LARS1: variants seen among roughly 807,000 people sequenced by gnomAD.
LARS1 encodes leucyl-tRNA synthetase 1.
In LARS1, 100 loss-of-function variants were observed where a neutral mutation model predicts 162.8. The ratio of observed to expected loss-of-function variants is 0.61; its 90% CI spans 0.52 to 0.73. The LOEUF is 0.73. Ranked by LOEUF, LARS1 falls within the 30% of genes least tolerant of loss-of-function variation. LARS1 has a pLI of 0.00. For missense variants in LARS1, 1,258 were observed against 1,408.9 expected (o/e 0.89, Z 1.71); for synonymous variants, 457 against 462.8 (o/e 0.99, Z 0.16).
chr5:146,116,921 T>C (rs1751571126), intron 31 of LARS1, among the ~76,000 whole-genome samples: 1 of 152,204 alleles, frequency 6.6e-6, no homozygotes, highest in African/African-American at 2.4e-5. Context: ...TCCTCTTCCA[T>C]CTCATATACT....
rs2126388027 is a variant in LARS1 at position 146,124,072 on chromosome 5, C to A, written c.3006G>T (p.Lys1002Asn). 1 of 1,608,460 alleles carries A rather than the reference C, an allele frequency of 6.2e-7. No individual in the cohort carries two copies. Among genetic ancestry groups the A allele is most frequent in the South Asian group, 1.1e-5 (1 of 90,918 alleles). The change falls in exon 29 of 32, where the codon AAG becomes AAT. Residue 1002 changes from lysine to asparagine, a missense_variant. By Grantham distance (94) the Lys-to-Asn change is moderately conservative. Coordinates refer to ENST00000394434, the MANE Select transcript of LARS1 (RefSeq NM_020117.11). ...FVAMIKENLEKMGPRILDLQL... is the reference protein window; with the variant it reads ...FVAMIKENLENMGPRILDLQL... Reference sequence around the variant, plus strand: ...GCAAATCCAGAATACGAGGCCCCATCTTCTCCAGATTTTCCTAATAGCCAA... The same window carrying A: ...GCAAATCCAGAATACGAGGCCCCATATTCTCCAGATTTTCCTAATAGCCAA...
At chr5:146,129,178 C>G (rs1296864646) in intron 25 of LARS1, 60 bp from the exon 26 acceptor site, 2 of 1,407,356 alleles carry the variant, frequency 1.4e-6, no homozygotes, top group Admixed American at 4.7e-5. Context: ...AACTATTTTA[C>G]GGTTCTTGAT....
chr5:146,170,389 G>T (rs1754207392), intron 4 of LARS1, among the ~76,000 whole-genome samples: 1 of 151,808 alleles, frequency 6.6e-6, no homozygotes, highest in African/African-American at 2.4e-5. Flanking sequence ...AGAATCACTT[G>T]AACTTGGGAG....
intron 22 of LARS1, among the ~76,000 whole-genome samples, chr5:146,133,543 T>C (rs1288143638): frequency 6.6e-6 from 1 of 152,172 alleles, no homozygotes; most frequent in Admixed American, 6.5e-5. Context: ...ACTAGGTTCT[T>C]ACAAGTTTAT....
At chr5:146,162,750 G>A (rs1037459782) in intron 6 of LARS1, among the ~76,000 whole-genome samples, 4 of 152,214 alleles carry the variant, frequency 2.6e-5, no homozygotes, top group Non-Finnish European at 2.9e-5. Flanking sequence ...GTTGTTTAGC[G>A]TAGCCACTTT....
At position 146,144,560 on chromosome 5, in the gene LARS1, G is replaced by GT. The variant is rs200448378; in HGVS notation, c.1590-24dup. ...TACCTGGGAGTGGACAAATTGATAT[G>GT]TTTTTTTTTAAGTCAAAGGTGAGCA... On this transcript the variant is annotated intron_variant, in intron 16 of 31. Transcript: ENST00000394434. 2,787 of 1,599,166 alleles carry GT rather than the reference G, an allele frequency of 1.7e-3. 3 individuals are homozygous for GT. The highest frequency in any genetic ancestry group is 4.1e-3 in the East Asian group (182 of 44,648).
Position 146,160,439 on chromosome 5 carries a change from A to G in LARS1, c.642T>C (p.Tyr214=), listed in dbSNP as rs748868019. ...AAAATTGCCATCTGACAAATGAATCATAGTAAGGATTAACATCAGTGGTGA... is the reference window on the plus strand; with the variant it reads ...AAAATTGCCATCTGACAAATGAATCGTAGTAAGGATTAACATCAGTGGTGA... ...SFITTDVNPY[Y]DSFVRWQFLT... The change falls in exon 7 of 32, where the codon TAT becomes TAC. Residue 214 remains tyrosine (Y), a synonymous_variant. Coordinates refer to ENST00000394434, the MANE Select transcript of LARS1 (RefSeq NM_020117.11). 2 of 1,585,966 alleles carry G rather than the reference A, an allele frequency of 1.3e-6. No individual in the cohort carries two copies. The highest frequency in any genetic ancestry group is 2.3e-5 in the South Asian group (2 of 87,080).
chr5:146,168,328 CT>C (rs760188833), intron 4 of LARS1, 63 bp from the exon 5 acceptor site: 1 of 1,525,598 alleles, frequency 6.6e-7, no homozygotes, highest in Non-Finnish European at 8.8e-7. Flanking sequence ...CAGTTTTTTA[CT>C]GTTTTTATTG....
At chr5:146,148,865 C>T (rs1391697200) in intron 15 of LARS1, among the ~76,000 whole-genome samples, 2 of 152,070 alleles carry the variant, frequency 1.3e-5, no homozygotes, top group African/African-American at 4.8e-5. Context: ...CACCTGAGGT[C>T]GGGAGTTCGA....
At chr5:146,146,658 A>G (rs1753022474) in intron 15 of LARS1, among the ~76,000 whole-genome samples, 1 of 141,726 alleles carries the variant, frequency 7.1e-6, no homozygotes. Context: ...AGCATACTAG[A>G]TGTTGGTACA....
Position 146,129,005 on chromosome 5 carries a change from C to A in LARS1, c.2742G>T (p.Lys914Asn). ...TCCCTTTAGCTGGCATCATATAGTTCTTGAGTCGTAGTCTAAGGTCATGTG... is the reference window on the plus strand; with the variant it reads ...TCCCTTTAGCTGGCATCATATAGTTATTGAGTCGTAGTCTAAGGTCATGTG... ...EVTHDLRLRL[K>N]NYMMPAKGKK... The change falls in exon 26 of 32, where the codon AAG (lysine) becomes AAT (asparagine). Residue 914 changes from lysine to asparagine, a missense_variant. Coordinates refer to ENST00000394434, the MANE Select transcript of LARS1 (RefSeq NM_020117.11). 2 of 1,600,182 alleles carry A rather than the reference C, an allele frequency of 1.2e-6. No individual in the cohort carries two copies. The highest frequency in any genetic ancestry group is 1.7e-6 in the Non-Finnish European group (2 of 1,176,026).
chr5:146,149,033 C>T (rs1753150016), intron 15 of LARS1, among the ~76,000 whole-genome samples: 1 of 152,024 alleles, frequency 6.6e-6, no homozygotes, highest in Non-Finnish European at 1.5e-5. Flanking sequence ...TGAGATCGCG[C>T]CATTGCATTC....
rs372947031 is a variant in LARS1, at chr5:146,157,370, G to A, written c.1065+33C>T. ...TGTTGAAATTTTCCTTGAAATTTAC[G>A]CATTAAAATAAAAAATCTGCTATCC... is the stretch of plus-strand genomic sequence containing the variant. On this transcript the variant is annotated intron_variant, in intron 10 of 31. Coordinates refer to ENST00000394434, the MANE Select transcript of LARS1 (RefSeq NM_020117.11). The A allele has an allele frequency of 3.8e-4, 584 of 1,549,226 alleles. 2 individuals are homozygous for A. The highest frequency in any genetic ancestry group is 4.9e-4 in the South Asian group (44 of 89,148).
At chr5:146,160,233 G>A (rs889529694) in intron 7 of LARS1, 141 bp downstream of exon 7, 9 of 435,022 alleles carry the variant, frequency 2.1e-5, no homozygotes, top group African/African-American at 4.2e-5. Flanking sequence ...ATGTGGTCTC[G>A]CTATGTTGCC....
At chr5:146,149,416 T>G (rs1431666266) in intron 15 of LARS1, among the ~76,000 whole-genome samples, 2 of 152,180 alleles carry the variant, frequency 1.3e-5, no homozygotes, top group Non-Finnish European at 2.9e-5. Context: ...TATGCACACA[T>G]CGACTTTAAA....
Position 146,153,651 on chromosome 5 carries a change from GC to G in LARS1, c.1230+82del. 1.2e-5 allele frequency: 12 copies of G among 1,007,732 alleles called. No individual in the cohort carries two copies. The Middle Eastern group carries it at 2.5e-3, about 210-fold the overall frequency. 62.4% of individuals were successfully genotyped at this position (1,007,732 alleles called of 1,614,324 possible). On this transcript the variant is annotated intron_variant, in intron 12 of 31. Coordinates refer to ENST00000394434, the MANE Select transcript of LARS1 (RefSeq NM_020117.11). ...TTAAAGATAAATGCATAGCTTTTTAGCCTAGTCCCACAGCGTAGTTCAGCAG... is the reference window on the plus strand; with the variant it reads ...TTAAAGATAAATGCATAGCTTTTTAGCTAGTCCCACAGCGTAGTTCAGCAG...
At chr5:146,148,080 T>G (rs1249566239) in intron 15 of LARS1, among the ~76,000 whole-genome samples, 1 of 152,160 alleles carries the variant, frequency 6.6e-6, no homozygotes, top group Non-Finnish European at 1.5e-5. Flanking sequence ...CAATCCAATA[T>G]AAAGATAGAA....
In LARS1 at chr5:146,164,441, T is replaced by G. The variant is rs1349579556; in HGVS notation, c.463A>C (p.Lys155Gln). 1.2e-6 allele frequency: 2 copies of G among 1,613,946 alleles called. No individual in the cohort carries two copies. Among genetic ancestry groups the G allele is most frequent in the African/African-American group, 2.7e-5 (2 of 74,926 alleles). Residue 155 changes from lysine (K) to glutamine (Q), a missense_variant, in exon 6 of 32, where the codon AAA (lysine) becomes CAA (glutamine). Physicochemically the swap from Lys to Gln is moderately conservative, Grantham distance 53. Coordinates refer to ENST00000394434, the MANE Select transcript of LARS1 (RefSeq NM_020117.11). ...GATTTCATAATGCCCCACTGGTATT[T>G]AGAAGATCCAGCTTTAGCAGCAGCT... ...SKAAAKAGSS[K>Q]YQWGIMKSLG...
At chr5:146,174,101 A>G (rs576038071) in intron 2 of LARS1, among the ~76,000 whole-genome samples, 1 of 150,184 alleles carries the variant, frequency 6.7e-6, no homozygotes, top group African/African-American at 2.4e-5. Flanking sequence ...TATAGCTTCA[A>G]GTATAACACC....
Sources: allele counts gnomAD v4.1 joint callset (sites outside exome capture counted in the v4.1 genomes callset), GRCh38; gene constraint gnomAD v4.1.1; transcripts MANE v1.5; gene names NCBI Gene and HGNC (gene_info 2026-07-23, HGNC 2026-07-21).